The following MYCBP2 variants were observed in gnomAD, a reference collection of about 807,000 sequenced individuals.
MYCBP2 encodes E3 ubiquitin-protein ligase MYCBP2.
MYCBP2 carries 120 observed loss-of-function variants against 525.3 expected under a neutral mutation model. That is an observed-to-expected ratio of 0.23 (90% CI 0.20 to 0.27). MYCBP2 has a LOEUF of 0.27. Ranked by LOEUF, MYCBP2 falls within the 10% of genes least tolerant of loss-of-function variation. MYCBP2 has a pLI of 1.00. For missense variants in MYCBP2, 4,149 were observed against 5,657.1 expected (o/e 0.73, Z 8.55); for synonymous variants, 1,894 against 1,955.8 (o/e 0.97, Z 0.83).
chr13:77,215,224 C>A (rs1422929236), intron 21 of MYCBP2, among the ~76,000 whole-genome samples: 2 of 152,072 alleles, frequency 1.3e-5, no homozygotes, highest in East Asian at 3.9e-4. Flanking sequence ...GAATCTTAAA[C>A]TGAAACAAAT....
intron 1 of MYCBP2, among the ~76,000 whole-genome samples, chr13:77,308,969 G>A (rs1258441809): frequency 2.0e-5 from 3 of 152,200 alleles, no homozygotes; most frequent in Admixed American, 2.0e-4. Context: ...GGCCAAGTGT[G>A]TTTCTTTTCA....
chr13:77,121,621 T>C (rs1178303210), intron 54 of MYCBP2, 126 bp from the exon 55 acceptor site: 1 of 943,346 alleles, frequency 1.1e-6, no homozygotes, highest in Non-Finnish European at 1.4e-6. Flanking sequence ...CATCTAGATT[T>C]GATCAATTTA....
chr13:77,253,653 T>C (rs1304487034), intron 14 of MYCBP2, among the ~76,000 whole-genome samples: 1 of 151,986 alleles, frequency 6.6e-6, no homozygotes, highest in Non-Finnish European at 1.5e-5. Context: ...TGGGTGCTGA[T>C]TACATGAATA....
Position 77,098,806 on chromosome 13 carries a change from G to C in MYCBP2, c.8348C>G (p.Ser2783Cys). The C allele has an allele frequency of 6.2e-7, 1 of 1,613,562 alleles. No individual in the cohort carries two copies. The highest frequency in any genetic ancestry group is 8.5e-7 in the Non-Finnish European group (1 of 1,179,720). The change falls in exon 56 of 83, where the codon TCC becomes TGC. Residue 2783 changes from serine to cysteine, a missense_variant. Around this residue, in one of 21 missense-constraint regions of MYCBP2, gnomAD observed 653 missense variants for 744.7 expected, o/e 0.88. Transcript: ENST00000544440. ...KSDAAKLRSD[S>C]HSRSLSPNHN... Reference sequence around the variant, plus strand: ...GTTGGGGGATAATGACCTACTGTGGGAATCTGACCTCAACTTTGCAGCATC... The same window carrying C: ...GTTGGGGGATAATGACCTACTGTGGCAATCTGACCTCAACTTTGCAGCATC...
At chr13:77,312,363 T>C (rs1372023049) in intron 1 of MYCBP2, among the ~76,000 whole-genome samples, 2 of 152,046 alleles carry the variant, frequency 1.3e-5, no homozygotes, top group African/African-American at 4.8e-5. Context: ...AAAGTACACA[T>C]GACTGTCGAC....
intron 3 of MYCBP2, among the ~76,000 whole-genome samples, chr13:77,280,208 A>G (rs1390234178): frequency 6.6e-6 from 1 of 152,224 alleles, no homozygotes; most frequent in East Asian, 1.9e-4. Flanking sequence ...TAAGAAGTCA[A>G]ATAACTAGGA....
intron 43 of MYCBP2, among the ~76,000 whole-genome samples, chr13:77,162,200 T>C (rs2058016808): frequency 6.6e-6 from 1 of 152,178 alleles, no homozygotes; most frequent in Admixed American, 6.5e-5. Context: ...TTGCCAAAGA[T>C]ATATCCTACA....
chr13:77,177,412 G>A (rs2154241950), intron 35 of MYCBP2, among the ~76,000 whole-genome samples: 1 of 149,528 alleles, frequency 6.7e-6, no homozygotes, highest in Admixed American at 6.7e-5. Flanking sequence ...CATGATTATG[G>A]CTCACTGCAG....
At chr13:77,318,719 A>G (rs1042107287) in intron 1 of MYCBP2, among the ~76,000 whole-genome samples, 4 of 152,218 alleles carry the variant, frequency 2.6e-5, no homozygotes, top group African/African-American at 9.7e-5. Flanking sequence ...GCACCACTGC[A>G]CTCTGGCCTG....
intron 35 of MYCBP2, 23 bp from the exon 36 acceptor site, chr13:77,176,651 A>G (rs1360447470): frequency 6.7e-7 from 1 of 1,482,888 alleles, no homozygotes; most frequent in Admixed American, 2.0e-5. Context: ...AATGAAACAC[A>G]AAAATTCCAA....
At chr13:77,095,785 G>C (rs1447901571) in intron 57 of MYCBP2, among the ~76,000 whole-genome samples, 183 bp from the exon 58 acceptor site, 1 of 152,058 alleles carries the variant, frequency 6.6e-6, no homozygotes, top group African/African-American at 2.4e-5. Flanking sequence ...AGACAATTTT[G>C]TATCAAACAC....
At chr13:77,280,626 C>T (rs1434661689) in intron 3 of MYCBP2, among the ~76,000 whole-genome samples, 7 of 152,154 alleles carry the variant, frequency 4.6e-5, no homozygotes, top group Admixed American at 1.3e-4. Context: ...ACGGTGACAA[C>T]GGAATTATTG....
intron 17 of MYCBP2, among the ~76,000 whole-genome samples, chr13:77,236,377 T>A (rs562008697): frequency 1.3e-5 from 2 of 152,212 alleles, no homozygotes; most frequent in African/African-American, 2.4e-5. Flanking sequence ...AAGCATGGAA[T>A]AAGTGGCAGT....
chr13:77,290,198 CTAAAA>C (rs1441139870), intron 2 of MYCBP2, among the ~76,000 whole-genome samples: 7 of 152,074 alleles, frequency 4.6e-5, no homozygotes, highest in Non-Finnish European at 8.8e-5. Context: ...ATCAGAATGG[CTAAAA>C]TAAATAGTGA....
intron 35 of MYCBP2, 30 bp downstream of exon 35, chr13:77,177,718 C>A (rs1180398714): frequency 1.3e-6 from 2 of 1,555,398 alleles, no homozygotes; most frequent in Non-Finnish European, 1.8e-6. Context: ...ACCCACTAAT[C>A]AGGATAAATA....
chr13:77,071,264 T>TGCAC (rs1566382743), intron 68 of MYCBP2, among the ~76,000 whole-genome samples: 1 of 101,418 alleles, frequency 9.9e-6, no homozygotes, highest in Non-Finnish European at 2.2e-5. Context: ...TGCACGTGTG[T>TGCAC]GCACACGCAC....
Position 77,192,232 on chromosome 13 carries a change from G to A in MYCBP2, c.3936-419C>T, listed in dbSNP as rs1057426705. Among the ~76,000 whole-genome samples the A allele has an allele frequency of 2.0e-5, 3 of 152,322 alleles. No individual in the cohort carries two copies. The South Asian group carries it at 6.2e-4, about 32-fold the overall frequency. ...CTGGAGTCAGGCAGCCTGGGTTCAAGGCCCAGCTCTGTGACCTGCTAGCAG... is the reference window on the plus strand; with the variant it reads ...CTGGAGTCAGGCAGCCTGGGTTCAAAGCCCAGCTCTGTGACCTGCTAGCAG... On this transcript the variant is annotated intron_variant, in intron 27 of 82. Coordinates refer to ENST00000544440, the MANE Select transcript of MYCBP2 (RefSeq NM_015057.5).
chr13:77,081,417 G>A lies in MYCBP2; in HGVS notation c.11418+10C>T, dbSNP rs747295777. On this transcript the variant is annotated intron_variant, in intron 65 of 82. Coordinates refer to ENST00000544440, the MANE Select transcript of MYCBP2 (RefSeq NM_015057.5). This position sits in a 1 kb window ranked among gnomAD's most constrained non-coding sequence, Gnocchi z 4.6. ...AGCTAAAGAGCCGTAAATCACGTTT[G>A]CTTTCTTACCCCAAGATCTCGGGAA... 6.2e-7 allele frequency: 1 copy of A among 1,607,754 alleles called. No homozygotes were observed. Among genetic ancestry groups the A allele is most frequent in the Admixed American group, 1.7e-5 (1 of 59,870 alleles).
chr13:77,125,552 T>A, intron 53 of MYCBP2, 84 bp from the exon 54 acceptor site: 1 of 1,459,854 alleles, frequency 6.9e-7, no homozygotes, highest in Non-Finnish European at 9.5e-7. Context: ...CTTACGTGTC[T>A]GAATAGTGTA....
Sources: gnomAD v4.1 joint callset for allele counts (sites outside exome capture counted in the v4.1 genomes callset) on GRCh38, gnomAD v4.1.1 for gene constraint, gnomAD v4.1.1 regional missense constraint, Gnocchi (gnomAD v3.1) non-coding constraint, MANE v1.5 for transcripts, NCBI Gene and HGNC (gene_info 2026-07-23, HGNC 2026-07-21) for gene names.